Variants in STPG1 observed in about 807,000 individuals in gnomAD.
The protein encoded by STPG1 is O(6)-methylguanine-induced apoptosis 2.
Under a neutral mutation model 40.1 loss-of-function variants are expected in STPG1, and 33 were observed. The observed-to-expected ratio is 0.82, with a 90% CI of 0.62 to 1.10. STPG1 has a LOEUF of 1.10. STPG1 is among the 50% of genes least tolerant of loss of function. The probability of loss-of-function intolerance (pLI) is 0.00; values close to 1 mark genes in which losing one functional copy is unlikely to be tolerated. For missense variants in STPG1, 396 were observed against 415.1 expected (o/e 0.95, Z 0.40); for synonymous variants, 150 against 155.0 (o/e 0.97, Z 0.24).
At chr1:24,365,799 G>C (rs534640769) in intron 7 of STPG1, among the ~76,000 whole-genome samples, 149 of 152,280 alleles carry the variant, frequency 9.8e-4, no homozygotes, top group African/African-American at 3.4e-3. Context: ...GAACCCACTG[G>C]GAGTTAAGTG....
chr1:24,410,850 C>G (rs557368668), intron 1 of STPG1: 2 of 152,006 alleles, frequency 1.3e-5, no homozygotes, highest in Admixed American at 1.3e-4. Context: ...TACCACTTTC[C>G]GAATCAACAA....
In STPG1 at chr1:24,407,446, T is replaced by A. The variant is rs1424408446; in HGVS notation, c.-68-5990A>T. Among the ~76,000 whole-genome samples, 3 of 149,084 alleles carry A rather than the reference T, an allele frequency of 2.0e-5. No individual in the cohort carries two copies. In the East Asian group the frequency reaches 5.8e-4, roughly 29 times the overall value. On this transcript the variant is annotated intron_variant, in intron 1 of 8. Transcript: ENST00000337248. The stretch of plus-strand genomic sequence containing the variant: ...TGTCATGTCTTCAAGTTCACTGATT[T>A]TTTTTTTTTTTTTTTGACGGAGTCC...
intron 7 of STPG1, 135 bp from the exon 8 acceptor site, chr1:24,361,176 T>G (rs1444822195): frequency 2.7e-6 from 2 of 740,924 alleles, no homozygotes; most frequent in African/African-American, 1.8e-5. Context: ...GGCAGAGCCC[T>G]AGCTCCACTG....
chr1:24,363,163 T>C (rs1415375964), intron 7 of STPG1, among the ~76,000 whole-genome samples: 5 of 152,240 alleles, frequency 3.3e-5, no homozygotes, highest in African/African-American at 1.2e-4. Context: ...AGGTGTCTGC[T>C]TTCTTAGCCA....
At position 24,358,463 on chromosome 1, in the gene STPG1, TCTC is replaced by T. The variant is rs1331685150; in HGVS notation, c.*77_*79del. 14 of 1,211,176 alleles carry T rather than the reference TCTC, an allele frequency of 1.2e-5. No homozygotes were observed. Among genetic ancestry groups the T allele is most frequent in the Non-Finnish European group, 1.6e-5 (13 of 812,448 alleles). 75.0% of individuals were successfully genotyped at this position (1,211,176 alleles called of 1,614,324 possible). A position where few individuals can be genotyped will look rare whatever the true frequency, so the allele number is the denominator to read the frequency against. On this transcript the variant is annotated 3_prime_UTR_variant, in exon 9 of 9. Coordinates refer to ENST00000337248, the MANE Select transcript of STPG1 (RefSeq NM_001199013.2). ...TGTCAGCTGCCACACTCATGATCGGTCTCCTCCTGAGGAATGTCCTGGGGACGC... is the reference window on the plus strand; with the variant it reads ...TGTCAGCTGCCACACTCATGATCGGTCTCCTGAGGAATGTCCTGGGGACGC...
At chr1:24,390,781 G>A (rs114127803) in intron 3 of STPG1, among the ~76,000 whole-genome samples, 4,222 of 151,540 alleles carry the variant, frequency 0.028, 192 homozygotes, top group African/African-American at 0.097. Flanking sequence ...AAGTAGGGCA[G>A]GGCTCATTAC....
chr1:24,409,424 A>G (rs1557466537), intron 1 of STPG1, among the ~76,000 whole-genome samples: 1 of 152,146 alleles, frequency 6.6e-6, no homozygotes, highest in Non-Finnish European at 1.5e-5. Context: ...TTTAGTAAGA[A>G]CCATCTACTG....
intron 1 of STPG1, among the ~76,000 whole-genome samples, chr1:24,403,596 G>T (rs540875729): frequency 6.6e-6 from 1 of 151,832 alleles, no homozygotes; most frequent in Non-Finnish European, 1.5e-5. Context: ...CATTAATATG[G>T]TATACTCTCC....
intron 6 of STPG1, among the ~76,000 whole-genome samples, chr1:24,370,680 A>G (rs1175360247): frequency 5.3e-5 from 8 of 151,790 alleles, no homozygotes; most frequent in African/African-American, 2.4e-5. Flanking sequence ...TTTAGTAGAG[A>G]TGGGGTTTCA....
At chr1:24,374,242 G>GCGTT (rs1557440345) in intron 5 of STPG1, among the ~76,000 whole-genome samples, 2 of 124,860 alleles carry the variant, frequency 1.6e-5, no homozygotes, top group African/African-American at 6.5e-5. Flanking sequence ...CGCTAGGAAA[G>GCGTT]TGTTTTTTTT....
chr1:24,383,517 A>G (rs946526893), intron 4 of STPG1, among the ~76,000 whole-genome samples: 4 of 152,186 alleles, frequency 2.6e-5, no homozygotes, highest in Admixed American at 2.6e-4. Context: ...AGATTTCTCA[A>G]TAGTTTGACA....
chr1:24,361,028 G>A lies in STPG1; in HGVS notation c.751C>T (p.Leu251=). 1.2e-6 allele frequency: 2 copies of A among 1,608,062 alleles called. No individual in the cohort carries two copies. Among genetic ancestry groups the A allele is most frequent in the South Asian group, 1.1e-5 (1 of 90,164 alleles). ...KKTLFPKNPI[L]NFSAQPSPLP... is the part of the protein sequence containing the mutation. Reference sequence around the variant, plus strand: ...GGCGAAGGCTGAGCAGAGAAGTTCAGGATGGGGTTTTTCCTTTGGGAAAGA... The same window carrying A: ...GGCGAAGGCTGAGCAGAGAAGTTCAAGATGGGGTTTTTCCTTTGGGAAAGA... The change falls in exon 8 of 9, where the codon CTG becomes TTG. Residue 251 remains leucine (L), a synonymous_variant. Coordinates refer to ENST00000337248, the MANE Select transcript of STPG1 (RefSeq NM_001199013.2).
Position 24,358,389 on chromosome 1 carries a change from G to T in STPG1, c.*154C>A, listed in dbSNP as rs767190497. 2 of 736,140 alleles carry T rather than the reference G, an allele frequency of 2.7e-6. No individual in the cohort carries two copies. The highest frequency in any genetic ancestry group is 5.0e-6 in the Non-Finnish European group (2 of 402,024). 45.6% of individuals were successfully genotyped at this position (736,140 alleles called of 1,614,324 possible). ...CCAGCTCAAGACAAAGGCAATGGCA[G>T]CAGTCCGGCTAGGATGCCAGGCCAG... is the stretch of plus-strand genomic sequence containing the variant. On this transcript the variant is annotated 3_prime_UTR_variant, in exon 9 of 9. Transcript: ENST00000337248.
In STPG1 at chr1:24,399,542, G is replaced by A. The variant is rs1055842468; in HGVS notation, c.70+1777C>T. ...TAAACATAAAGAGACTGATAAATTG[G>A]GCTATATTAAAATCAAGAGTTTCTG... On this transcript the variant is annotated intron_variant, in intron 2 of 8. Transcript: ENST00000337248. This position sits in a 1 kb window ranked among gnomAD's most constrained non-coding sequence, Gnocchi z 4.0. 2.0e-5 allele frequency among the ~76,000 whole-genome samples: 3 copies of A among 151,950 alleles called. No homozygotes were observed. The highest frequency in any genetic ancestry group is 1.5e-5 in the Non-Finnish European group (1 of 68,000).
intron 3 of STPG1, among the ~76,000 whole-genome samples, chr1:24,385,667 A>G (rs909370744): frequency 4.6e-5 from 7 of 152,236 alleles, no homozygotes; most frequent in South Asian, 2.1e-4. Flanking sequence ...TGTCAGAGCC[A>G]GAACCGAGGC....
At chr1:24,376,669 C>T (rs535351945) in intron 5 of STPG1, among the ~76,000 whole-genome samples, 2 of 152,186 alleles carry the variant, frequency 1.3e-5, no homozygotes, top group Non-Finnish European at 2.9e-5. Context: ...GACAGTGATT[C>T]GGGGAGAATG....
chr1:24,376,884 C>T (rs1474599186), intron 5 of STPG1, among the ~76,000 whole-genome samples: 4 of 152,122 alleles, frequency 2.6e-5, no homozygotes, highest in African/African-American at 9.7e-5. Context: ...ATAATAATCT[C>T]CTCGCTGGTT....
chr1:24,381,851 C>T (rs1036399261), intron 4 of STPG1, among the ~76,000 whole-genome samples: 7 of 152,008 alleles, frequency 4.6e-5, no homozygotes, highest in South Asian at 4.1e-4. Context: ...CTGAAAGAGG[C>T]GGTGGGGTGG....
At chr1:24,394,663 G>A (rs61417908) in intron 2 of STPG1, among the ~76,000 whole-genome samples, 2 of 152,200 alleles carry the variant, frequency 1.3e-5, no homozygotes, top group East Asian at 1.9e-4. Context: ...CGAACTACCA[G>A]ATGTGAAAAC....
Sources: gnomAD v4.1 joint callset for allele counts (sites outside exome capture counted in the v4.1 genomes callset) on GRCh38, gnomAD v4.1.1 for gene constraint, Gnocchi (gnomAD v3.1) non-coding constraint, MANE v1.5 for transcripts, NCBI Gene and HGNC (gene_info 2026-07-23, HGNC 2026-07-21) for gene names.